Variants in DNM1 observed in about 807,000 individuals in gnomAD.
DNM1 encodes the protein dynamin 1, also known as dynamin-1.
A neutral mutation model predicts 104.6 loss-of-function variants in DNM1; 29 were observed. The observed-to-expected ratio is 0.28, with a 90% CI of 0.21 to 0.38. The LOEUF (loss-of-function observed/expected upper bound fraction) is 0.38. DNM1 is among the 10% of genes least tolerant of loss of function. The pLI, the probability that DNM1 is intolerant of heterozygous loss-of-function variation, is 1.00. For missense variants in DNM1, 640 were observed against 1,189.4 expected (o/e 0.54, Z 6.79); for synonymous variants, 445 against 475.8 (o/e 0.94, Z 0.84).
intron 1 of DNM1, among the ~76,000 whole-genome samples, chr9:128,214,617 TGACAA>T (rs1834496264): frequency 6.6e-6 from 1 of 152,134 alleles, no homozygotes; most frequent in African/African-American, 2.4e-5. Flanking sequence ...CCTCTCACGG[TGACAA>T]CTCCAGTTCA....
Position 128,219,838 on chromosome 9 carries a change from G to A in DNM1, c.590-150G>A. The A allele has an allele frequency of 5.2e-6, 3 of 572,458 alleles. No homozygotes were observed. In the South Asian group the frequency reaches 8.6e-5, roughly 16 times the overall value. 35.5% of individuals were successfully genotyped at this position (572,458 alleles called of 1,614,324 possible). A position where few individuals can be genotyped will look rare whatever the true frequency, so the allele number is the denominator to read the frequency against. On this transcript the variant is annotated intron_variant, in intron 4 of 21. Transcript: ENST00000372923. ...AGAAGAATAAATAAAAATCATTTTG[G>A]CTACTCTGTGGAAAATGAATAAGGG...
In DNM1 at chr9:128,220,769, C is replaced by T. The variant is rs372185341; in HGVS notation, c.849+428C>T. ...TGTGTGTGTGTGTGTGTGTGTGTGT[C>T]TGTCTGACTGTCTGTCTGTGTAGGC... On this transcript the variant is annotated intron_variant, in intron 6 of 21. Transcript: ENST00000372923. This position sits in a 1 kb window ranked among gnomAD's most constrained non-coding sequence, Gnocchi z 5.2. 9.1e-6 allele frequency among the ~76,000 whole-genome samples: 1 copy of T among 110,448 alleles called. No individual in the cohort carries two copies. The highest frequency in any genetic ancestry group is 8.3e-5 in the Admixed American group (1 of 12,090). The allele number at this position is 110,448 out of a possible 152,430, so 72.5% of individuals were successfully genotyped here.
rs1409458818 is a variant in DNM1, at chr9:128,250,959, C to T, written c.2534+19C>T. The T allele has an allele frequency of 7.4e-7, 1 of 1,353,672 alleles. No homozygotes were observed. Among genetic ancestry groups the T allele is most frequent in the Non-Finnish European group, 9.9e-7 (1 of 1,013,538 alleles). The allele number at this position is 1,353,672 out of a possible 1,614,324, so 83.9% of individuals were successfully genotyped here. A position where few individuals can be genotyped will look rare whatever the true frequency, so the allele number is the denominator to read the frequency against. On this transcript the variant is annotated intron_variant, in intron 21 of 21. Transcript: ENST00000372923. ...TCCCCAGGTGAGTAGGGGCTGAATG[C>T]GGCTGGAGAGGCTGCCGGACGGGCG...
chr9:128,221,123 C>G (rs965276114), intron 6 of DNM1: 8 of 149,926 alleles, frequency 5.3e-5, no homozygotes, highest in African/African-American at 2.0e-4. Flanking sequence ...GAGTTTTGCT[C>G]TTGTCACCCA....
At chr9:128,229,555 A>G (rs1835543531) in intron 10 of DNM1, among the ~76,000 whole-genome samples, 1 of 143,104 alleles carries the variant, frequency 7.0e-6, no homozygotes, top group African/African-American at 2.6e-5. Flanking sequence ...TCTGATTGTG[A>G]TCACACCACC....
rs183742658 is a variant in DNM1, at chr9:128,248,813, A to G, written c.2076+60A>G. On this transcript the variant is annotated intron_variant, in intron 19 of 21. Transcript: ENST00000372923. The surrounding 1 kb of genome is among the most constrained non-coding windows in gnomAD (Gnocchi z 5.6). ...TGTGGCACTGGGGATGCAGGTGGCC[A>G]TGTTGGCCTGGGGGAGATGCCAACC... 58 of 1,577,252 alleles carry G rather than the reference A, an allele frequency of 3.7e-5. No homozygotes were observed. In the East Asian group the frequency reaches 1.2e-3, roughly 32 times the overall value.
In DNM1 at chr9:128,255,161, G is replaced by A. The variant is rs138036588; in HGVS notation, c.*447G>A. On this transcript the variant is annotated 3_prime_UTR_variant, in exon 22 of 22. Coordinates refer to ENST00000372923, the MANE Select transcript of DNM1 (RefSeq NM_004408.4). ...CCCCTACCAAGCATGGGGGTGCTGT[G>A]CAGGCAGCCGTGTGGCCTGACAGTT... The A allele has an allele frequency of 2.9e-4, 49 of 166,712 alleles. No homozygotes were observed. Among genetic ancestry groups the A allele is most frequent in the African/African-American group, 9.1e-4 (38 of 41,644 alleles). The allele number at this position is 166,712 out of a possible 1,614,324, so 10.3% of individuals were successfully genotyped here.
At chr9:128,215,334 C>T (rs1405132603) in intron 1 of DNM1, among the ~76,000 whole-genome samples, 1 of 152,248 alleles carries the variant, frequency 6.6e-6, no homozygotes, top group Admixed American at 6.5e-5. Context: ...TCTGCCTCCC[C>T]ATGAAGCCCT....
intron 1 of DNM1, among the ~76,000 whole-genome samples, chr9:128,213,181 A>C (rs1208845421): frequency 6.6e-6 from 1 of 152,186 alleles, no homozygotes; most frequent in Non-Finnish European, 1.5e-5. Flanking sequence ...TCCCGGGTTC[A>C]AGCGATTCTC....
At chr9:128,236,101 C>T (rs1043193005) in intron 11 of DNM1, among the ~76,000 whole-genome samples, 20 of 152,172 alleles carry the variant, frequency 1.3e-4, no homozygotes, top group African/African-American at 4.8e-4. Context: ...CTCTGGGTCA[C>T]ATTATACCCC....
chr9:128,230,918 T>C (rs966751017), intron 10 of DNM1, among the ~76,000 whole-genome samples: 7 of 152,100 alleles, frequency 4.6e-5, no homozygotes, highest in African/African-American at 1.7e-4. Flanking sequence ...TTCTTATGCC[T>C]CAGCCTCCTG....
At chr9:128,207,799 T>C (rs527238241) in intron 1 of DNM1, among the ~76,000 whole-genome samples, 10 of 152,284 alleles carry the variant, frequency 6.6e-5, no homozygotes, top group South Asian at 4.1e-4. Flanking sequence ...GACGCGCTGC[T>C]TCTATCCCTG....
chr9:128,203,789 C>G lies in DNM1; in HGVS notation c.161+158C>G, dbSNP rs575427347. On this transcript the variant is annotated intron_variant, in intron 1 of 21. Coordinates refer to ENST00000372923, the MANE Select transcript of DNM1 (RefSeq NM_004408.4). The surrounding 1 kb of genome is among the most constrained non-coding windows in gnomAD (Gnocchi z 5.3). ...AGCCGGAGCGAGGAGGCCCTCCCCC[C>G]ACCACGAGAGCCCCTCGGGGCAGCA... is the stretch of plus-strand genomic sequence containing the variant. 8.0e-5 allele frequency among the ~76,000 whole-genome samples: 12 copies of G among 149,912 alleles called. No individual in the cohort carries two copies. In the South Asian group the frequency reaches 2.1e-3, roughly 26 times the overall value.
At chr9:128,238,405 G>T (rs897636056) in intron 11 of DNM1, among the ~76,000 whole-genome samples, 1 of 151,630 alleles carries the variant, frequency 6.6e-6, no homozygotes, top group Non-Finnish European at 1.5e-5. Context: ...TGTATTTTTA[G>T]TAGAGACGGG....
intron 11 of DNM1, 82 bp from the exon 12 acceptor site, chr9:128,239,363 G>A (rs1836216501): frequency 9.9e-7 from 1 of 1,014,958 alleles, no homozygotes; most frequent in Non-Finnish European, 1.6e-6. Flanking sequence ...TGTGCTGCAA[G>A]TACTTTTCTC....
chr9:128,244,637 GC>G (rs1836639680), intron 15 of DNM1: 11 of 382,016 alleles, frequency 2.9e-5, no homozygotes, highest in South Asian at 2.2e-4. Context: ...CTCCCAGCCC[GC>G]CCTGTGCCCC....
At chr9:128,252,705 A>C (rs917946429) in intron 21 of DNM1, 6 of 487,492 alleles carry the variant, frequency 1.2e-5, no homozygotes, top group African/African-American at 1.2e-4. Flanking sequence ...GCTGGACTTT[A>C]GCGAGCAAGC....
intron 1 of DNM1, among the ~76,000 whole-genome samples, chr9:128,207,963 G>A (rs1040814861): frequency 6.6e-6 from 1 of 152,046 alleles, no homozygotes; most frequent in Non-Finnish European, 1.5e-5. Flanking sequence ...CTGGGAGGAA[G>A]GGTTTTAGGT....
chr9:128,252,922 C>T (rs1829615436), intron 21 of DNM1: 5 of 699,030 alleles, frequency 7.2e-6, no homozygotes, highest in East Asian at 5.4e-5. Flanking sequence ...TGGGAGGTGG[C>T]GGGGAAGGAG....
Sources: allele counts gnomAD v4.1 joint callset (sites outside exome capture counted in the v4.1 genomes callset), GRCh38; gene constraint gnomAD v4.1.1; non-coding constraint Gnocchi (gnomAD v3.1); transcripts MANE v1.5; gene names NCBI Gene and HGNC (gene_info 2026-07-23, HGNC 2026-07-21).